The following AUTS2 variants were observed in gnomAD, a reference collection of about 807,000 sequenced individuals.
The protein encoded by AUTS2 is autism susceptibility gene 2 protein.
Under a neutral mutation model 112.4 loss-of-function variants are expected in AUTS2, and 17 were observed. The ratio of observed to expected loss-of-function variants is 0.15; its 90% CI spans 0.10 to 0.23. The LOEUF (loss-of-function observed/expected upper bound fraction) is 0.23, where lower values mean the gene tolerates loss of function less well. Among genes scored for constraint, AUTS2 ranks in the 10% least tolerant of loss-of-function variants. AUTS2 has a pLI of 1.00. For missense variants in AUTS2, 1,510 were observed against 1,701.6 expected (o/e 0.89, Z 1.98); for synonymous variants, 751 against 702.7 (o/e 1.07, Z -1.09).
chr7:69,752,090 C>CA (rs1787762943), intron 1 of AUTS2, among the ~76,000 whole-genome samples: 1 of 152,190 alleles, frequency 6.6e-6, no homozygotes, highest in South Asian at 2.1e-4. Context: ...CCTTAATGCC[C>CA]AGACAGTGCC....
chr7:70,678,116 T>C (rs1258733188), intron 5 of AUTS2, among the ~76,000 whole-genome samples: 3 of 152,098 alleles, frequency 2.0e-5, no homozygotes, highest in Admixed American at 6.6e-5. Flanking sequence ...ATAATAATTT[T>C]AGTAGGTTCT....
At chr7:70,056,865 G>A (rs553057631) in intron 2 of AUTS2, among the ~76,000 whole-genome samples, 11 of 152,312 alleles carry the variant, frequency 7.2e-5, no homozygotes, top group African/African-American at 2.6e-4. Flanking sequence ...TTTGGGAATA[G>A]GGTGCTCTTG....
chr7:70,690,725 G>A (rs1470043070), intron 5 of AUTS2, among the ~76,000 whole-genome samples: 1 of 152,166 alleles, frequency 6.6e-6, no homozygotes, highest in East Asian at 1.9e-4. Flanking sequence ...TACTTTGGGA[G>A]GTCAAGGTGG....
At chr7:69,740,942 G>T (rs1787238382) in intron 1 of AUTS2, among the ~76,000 whole-genome samples, 1 of 152,116 alleles carries the variant, frequency 6.6e-6, no homozygotes, top group Middle Eastern at 3.2e-3. Flanking sequence ...ATTTAAAGTG[G>T]CGATGGGCTT....
At chr7:70,658,547 G>C (rs983976304) in intron 5 of AUTS2, among the ~76,000 whole-genome samples, 19 of 152,196 alleles carry the variant, frequency 1.2e-4, no homozygotes, top group African/African-American at 4.3e-4. Context: ...AAGAGCACAG[G>C]CTTCTGGGGG....
chr7:69,979,460 T>C (rs959149316), intron 2 of AUTS2, among the ~76,000 whole-genome samples: 1 of 152,234 alleles, frequency 6.6e-6, no homozygotes, highest in African/African-American at 2.4e-5. Context: ...AAGGGCTTTA[T>C]TTCCAATGGA....
intron 4 of AUTS2, among the ~76,000 whole-genome samples, chr7:70,337,141 G>A (rs1339275546): frequency 6.6e-6 from 1 of 152,106 alleles, no homozygotes; most frequent in East Asian, 1.9e-4. Flanking sequence ...GCCTCCCATG[G>A]CACCGTTTGC....
At chr7:70,684,613 T>TGTGGTATGGTGTGGC (rs1297103850) in intron 5 of AUTS2, among the ~76,000 whole-genome samples, 1 of 148,100 alleles carries the variant, frequency 6.8e-6, no homozygotes, top group East Asian at 2.0e-4. Context: ...GTGTGTGTGG[T>TGTGGTATGGTGTGGC]GTGGTATGGT....
intron 4 of AUTS2, among the ~76,000 whole-genome samples, chr7:70,136,868 G>A (rs1226611647): frequency 6.6e-6 from 1 of 152,122 alleles, no homozygotes; most frequent in Non-Finnish European, 1.5e-5. Flanking sequence ...GACTTCCTTT[G>A]TTTCTATTTA....
At chr7:70,437,927 G>A (rs1242023518) in intron 5 of AUTS2, 1 of 151,446 alleles carries the variant, frequency 6.6e-6, no homozygotes, top group Non-Finnish European at 1.5e-5. Flanking sequence ...GCCCGGTTTT[G>A]TGTTCCTTGT....
intron 4 of AUTS2, among the ~76,000 whole-genome samples, chr7:70,172,027 T>C (rs1244959101): frequency 1.3e-5 from 2 of 152,160 alleles, no homozygotes; most frequent in East Asian, 3.9e-4. Context: ...CCTGAGTTTC[T>C]CTCCATTGCT....
At chr7:70,043,894 C>T (rs146748228) in intron 2 of AUTS2, among the ~76,000 whole-genome samples, 3,680 of 152,062 alleles carry the variant, frequency 0.024, 61 homozygotes, top group Non-Finnish European at 0.038. Context: ...CAGGCGTGAG[C>T]CACTGGGCCC....
At chr7:69,675,502 A>AG (rs1179804267) in intron 1 of AUTS2, among the ~76,000 whole-genome samples, 2 of 119,314 alleles carry the variant, frequency 1.7e-5, no homozygotes, top group Admixed American at 1.6e-4. Context: ...GTTTTGGCTG[A>AG]GGGTTTTTTT....
intron 5 of AUTS2, among the ~76,000 whole-genome samples, chr7:70,444,373 TGAGA>T (rs1554402014): frequency 0.025 from 3,624 of 142,444 alleles, 69 homozygotes; most frequent in Admixed American, 0.076. Context: ...TGTGTGTGTG[TGAGA>T]GAGAGAGAGA....
chr7:70,473,764 T>A (rs367554138), intron 5 of AUTS2, among the ~76,000 whole-genome samples: 5 of 151,778 alleles, frequency 3.3e-5, no homozygotes, highest in East Asian at 3.9e-4. Context: ...TGATGCTTTT[T>A]AAGGTAGGAT....
intron 6 of AUTS2, among the ~76,000 whole-genome samples, chr7:70,749,254 C>T (rs973753986): frequency 6.6e-6 from 1 of 152,156 alleles, no homozygotes; most frequent in African/African-American, 2.4e-5. Context: ...TATGGACAGC[C>T]TCCCTCAGCA....
chr7:70,379,501 C>CA lies in AUTS2; in HGVS notation c.661-56238dup, dbSNP rs35035233. 7.0e-3 allele frequency among the ~76,000 whole-genome samples: 840 copies of CA among 120,524 alleles called. 6 individuals carry two copies. The highest frequency in any genetic ancestry group is 0.011 in the Admixed American group (130 of 11,606). The allele number at this position is 120,524 out of a possible 152,430, so 79.1% of individuals were successfully genotyped here. ...TGGGTGACAGAGCGAGCATCCGTCTCAAAAAAAAAAAAAGAAAGAAAGAAA... is the reference window on the plus strand; with the variant it reads ...TGGGTGACAGAGCGAGCATCCGTCTCAAAAAAAAAAAAAAGAAAGAAAGAAA... On this transcript the variant is annotated intron_variant, in intron 4 of 18. Coordinates refer to ENST00000342771, the MANE Select transcript of AUTS2 (RefSeq NM_015570.4).
intron 2 of AUTS2, among the ~76,000 whole-genome samples, chr7:70,012,794 A>G (rs1371319920): frequency 6.6e-6 from 1 of 152,204 alleles, no homozygotes; most frequent in South Asian, 2.1e-4. Flanking sequence ...TCAGTATGTG[A>G]TGATGGCTTT....
At chr7:70,019,147 C>G (rs1460539025) in intron 2 of AUTS2, among the ~76,000 whole-genome samples, 1 of 152,142 alleles carries the variant, frequency 6.6e-6, no homozygotes, top group African/African-American at 2.4e-5. Flanking sequence ...TTATCCTTAG[C>G]CAATTAATGC....
Sources: allele counts gnomAD v4.1 joint callset (sites outside exome capture counted in the v4.1 genomes callset), GRCh38; gene constraint gnomAD v4.1.1; transcripts MANE v1.5; gene names NCBI Gene and HGNC (gene_info 2026-07-23, HGNC 2026-07-21).